ARHGAP8: variants seen among roughly 807,000 people sequenced by gnomAD.
The protein encoded by ARHGAP8 is Rho GTPase activating protein 8.
ARHGAP8 carries 62 observed loss-of-function variants against 46.1 expected under a neutral mutation model. That is an observed-to-expected ratio of 1.34 (90% CI 1.10 to 1.66). The LOEUF (loss-of-function observed/expected upper bound fraction) is 1.66, where lower values mean the gene tolerates loss of function less well. Ranked by LOEUF, ARHGAP8 falls within the 40% of genes most tolerant of loss-of-function variation. The pLI is 0.00. For missense variants in ARHGAP8, 923 were observed against 568.4 expected, an observed-to-expected ratio of 1.62 and a Z score of -6.34; for synonymous variants, 375 against 243.1, an observed-to-expected ratio of 1.54 and a Z score of -5.05.
intron 1 of ARHGAP8, among the ~76,000 whole-genome samples, chr22:44,755,372 A>G (rs2146978832): frequency 6.6e-6 from 1 of 152,334 alleles, no homozygotes; most frequent in African/African-American, 2.4e-5. Context: ...CTTCAAATCT[A>G]TGTGAAATTA....
intron 5 of ARHGAP8, 140 bp downstream of exon 5, chr22:44,814,898 T>C (rs929458757): frequency 1.2e-5 from 12 of 996,210 alleles, no homozygotes; most frequent in African/African-American, 1.6e-5. Flanking sequence ...CTACCCGCCC[T>C]GGGGTCTGCG....
At chr22:44,853,215 A>T (rs115910265) in intron 10 of ARHGAP8, among the ~76,000 whole-genome samples, 1 of 152,150 alleles carries the variant, frequency 6.6e-6, no homozygotes, top group Non-Finnish European at 1.5e-5. Flanking sequence ...AGTGAATTCC[A>T]TAGTTTGCAA....
intron 7 of ARHGAP8, among the ~76,000 whole-genome samples, chr22:44,831,552 T>G (rs1930947313): frequency 6.6e-6 from 1 of 152,088 alleles, no homozygotes; most frequent in South Asian, 2.1e-4. Context: ...CAAAAAAATG[T>G]GCTGGGCATG....
At chr22:44,860,391 C>G (rs1057421835) in intron 11 of ARHGAP8, among the ~76,000 whole-genome samples, 1 of 152,110 alleles carries the variant, frequency 6.6e-6, no homozygotes, top group African/African-American at 2.4e-5. Flanking sequence ...CTCCCAGCTC[C>G]TGGTCACTCC....
chr22:44,846,078 G>A (rs117366240), intron 8 of ARHGAP8, among the ~76,000 whole-genome samples: 310 of 152,224 alleles, frequency 2.0e-3, no homozygotes, highest in Non-Finnish European at 3.2e-3. Flanking sequence ...CGGCTCAACA[G>A]TTGCTTCCTC....
intron 5 of ARHGAP8, among the ~76,000 whole-genome samples, chr22:44,820,866 C>T (rs372982247): frequency 6.6e-6 from 1 of 152,156 alleles, no homozygotes; most frequent in Non-Finnish European, 1.5e-5. Context: ...CTGGTGCTGG[C>T]GCTGGACTGA....
intron 1 of ARHGAP8, among the ~76,000 whole-genome samples, chr22:44,784,132 G>C (rs1317040212): frequency 2.6e-5 from 4 of 152,192 alleles, no homozygotes; most frequent in East Asian, 1.9e-4. Context: ...TGCCAGCCAC[G>C]GTGACTCACA....
At chr22:44,807,980 A>T (rs188167840) in intron 3 of ARHGAP8, among the ~76,000 whole-genome samples, 6 of 152,282 alleles carry the variant, frequency 3.9e-5, no homozygotes, top group African/African-American at 1.4e-4. Context: ...CAAGGTCCTA[A>T]ATTTAATTGC....
intron 1 of ARHGAP8, among the ~76,000 whole-genome samples, chr22:44,764,441 G>C (rs549420750): frequency 5.3e-5 from 8 of 152,328 alleles, no homozygotes; most frequent in African/African-American, 1.9e-4. Flanking sequence ...GGCAGGAAAG[G>C]GTCGGCTGCG....
intron 5 of ARHGAP8, among the ~76,000 whole-genome samples, chr22:44,820,849 CCTGGCGCTGGTG>C (rs955258048): frequency 5.3e-4 from 80 of 152,264 alleles, no homozygotes; most frequent in Middle Eastern, 3.4e-3. Flanking sequence ...TTAGGAACCA[CCTGGCGCTGGTG>C]CTGGCGCTGG....
At chr22:44,758,620 G>GA (rs1287922903) in intron 1 of ARHGAP8, among the ~76,000 whole-genome samples, 1 of 151,760 alleles carries the variant, frequency 6.6e-6, no homozygotes, top group Non-Finnish European at 1.5e-5. Flanking sequence ...AGGTAGTGGG[G>GA]AGGGGGGGAA....
intron 1 of ARHGAP8, among the ~76,000 whole-genome samples, chr22:44,772,991 AT>A (rs761317477): frequency 6.6e-6 from 1 of 151,652 alleles, no homozygotes; most frequent in Non-Finnish European, 1.5e-5. Context: ...GCTAATCTTT[AT>A]TTTTTGTAGA....
At chr22:44,783,657 G>A (rs1927009446) in intron 1 of ARHGAP8, among the ~76,000 whole-genome samples, 1 of 152,108 alleles carries the variant, frequency 6.6e-6, no homozygotes, top group Non-Finnish European at 1.5e-5. Context: ...AGCTTCCAGT[G>A]GCTGCCGCAG....
At position 44,851,390 on chromosome 22, in the gene ARHGAP8, T is replaced by TAAA. The variant is rs199953906; in HGVS notation, c.877+2331_877+2333dup. 3.9e-3 allele frequency among the ~76,000 whole-genome samples: 552 copies of TAAA among 141,676 alleles called. 7 individuals carry two copies. Among genetic ancestry groups the TAAA allele is most frequent in the African/African-American group, 0.015 (510 of 35,044 alleles). 92.9% of individuals were successfully genotyped at this position (141,676 alleles called of 152,430 possible). A position where few individuals can be genotyped will look rare whatever the true frequency, so the allele number is the denominator to read the frequency against. ...AGTTTTACATGACACAGGAGCCTTT[T>TAAA]AAATATTTATTTATTTATTTATTTA... On this transcript the variant is annotated intron_variant, in intron 10 of 11. Transcript: ENST00000356099.
At chr22:44,799,758 C>A (rs1416702724) in intron 2 of ARHGAP8, among the ~76,000 whole-genome samples, 1 of 148,888 alleles carries the variant, frequency 6.7e-6, no homozygotes, top group East Asian at 2.0e-4. Flanking sequence ...GCGGGGCGGC[C>A]CATCTGTTCT....
intron 5 of ARHGAP8, among the ~76,000 whole-genome samples, chr22:44,816,702 G>A (rs1929767197): frequency 6.6e-6 from 1 of 151,578 alleles, no homozygotes; most frequent in Non-Finnish European, 1.5e-5. Context: ...CTACACGGGA[G>A]GCCAAAGCAG....
rs79957516 is a variant in ARHGAP8 at position 44,845,791 on chromosome 22, C to A, written c.670+449C>A. Among the ~76,000 whole-genome samples the A allele has an allele frequency of 4.3e-4, 65 of 152,212 alleles. No homozygotes were observed. In the South Asian group the frequency reaches 4.6e-3, roughly 11 times the overall value. ...AGTCAAGAACTTGGAGTGGGGTGAG[C>A]CTTGTGGGCTCTCCACAGCTCCTGA... is the stretch of plus-strand genomic sequence containing the variant. On this transcript the variant is annotated intron_variant, in intron 8 of 11. Coordinates refer to ENST00000356099, the MANE Select transcript of ARHGAP8 (RefSeq NM_181335.3).
chr22:44,818,583 C>G (rs923164964), intron 5 of ARHGAP8, among the ~76,000 whole-genome samples: 2 of 152,254 alleles, frequency 1.3e-5, no homozygotes, highest in Non-Finnish European at 2.9e-5. Context: ...AAAGAGCCAA[C>G]CCCTCTCTGC....
chr22:44,849,259 G>A, intron 10 of ARHGAP8, 199 bp downstream of exon 10: 9 of 1,038,356 alleles, frequency 8.7e-6, no homozygotes, highest in Non-Finnish European at 1.2e-5. Context: ...ACTGTCCAAA[G>A]GCAGAGGAGG....
Sources: gnomAD v4.1 joint callset for allele counts (sites outside exome capture counted in the v4.1 genomes callset) on GRCh38, gnomAD v4.1.1 for gene constraint, MANE v1.5 for transcripts, NCBI Gene and HGNC (gene_info 2026-07-23, HGNC 2026-07-21) for gene names.